The following NAALADL2 variants were observed in gnomAD, a reference collection of about 807,000 sequenced individuals.
NAALADL2 encodes the protein N-acetylated alpha-linked acidic dipeptidase like 2, also known as inactive N-acetylated-alpha-linked acidic dipeptidase-like protein 2.
Under a neutral mutation model 87.2 loss-of-function variants are expected in NAALADL2, and 76 were observed. That is an observed-to-expected ratio of 0.87 (90% CI 0.72 to 1.05). NAALADL2 has a LOEUF of 1.05. Among genes scored for constraint, NAALADL2 ranks in the 50% least tolerant of loss-of-function variants. The pLI, the probability that NAALADL2 is intolerant of heterozygous loss-of-function variation, is 0.00. For synonymous variants in NAALADL2, 354 were observed against 331.0 expected (o/e 1.07, Z -0.75); for missense variants, 1,089 against 945.8 (o/e 1.15, Z -1.99).
chr3:175,471,768 A>C lies in NAALADL2; in HGVS notation c.1653+10A>C. ...GCAACTGGTAGTAGAGGTAAGACAA[A>C]CCACTATTGTATCAAATGATTATGC... On this transcript the variant is annotated intron_variant, in intron 9 of 13. Coordinates refer to ENST00000454872, the MANE Select transcript of NAALADL2 (RefSeq NM_207015.3). 6.3e-7 allele frequency: 1 copy of C among 1,591,738 alleles called. No homozygotes were observed. Among genetic ancestry groups the C allele is most frequent in the Non-Finnish European group, 8.5e-7 (1 of 1,172,144 alleles).
intron 5 of NAALADL2, among the ~76,000 whole-genome samples, chr3:175,359,598 A>C (rs1303490623): frequency 6.6e-6 from 1 of 152,110 alleles, no homozygotes. Flanking sequence ...ATGTGCCTTT[A>C]ATTTAATAGC....
chr3:175,061,188 C>T (rs1713407348), intron 1 of NAALADL2, among the ~76,000 whole-genome samples: 2 of 152,100 alleles, frequency 1.3e-5, no homozygotes, highest in African/African-American at 4.8e-5. Context: ...GGGCAACAAC[C>T]TCATTAAAAT....
intron 2 of NAALADL2, among the ~76,000 whole-genome samples, chr3:175,197,437 A>G (rs559536392): frequency 6.6e-6 from 1 of 152,092 alleles, no homozygotes; most frequent in African/African-American, 2.4e-5. Context: ...TTAGTCTGCG[A>G]AGTTTTTCAG....
At chr3:175,527,265 T>A (rs1280563909) in intron 9 of NAALADL2, among the ~76,000 whole-genome samples, 1 of 152,176 alleles carries the variant, frequency 6.6e-6, no homozygotes, top group East Asian at 1.9e-4. Flanking sequence ...CATATTTACC[T>A]GCCGTCATAG....
chr3:175,057,161 G>T lies in NAALADL2; in HGVS notation c.44-39629G>T, dbSNP rs75646507. On this transcript the variant is annotated intron_variant, in intron 1 of 13. Transcript: ENST00000454872. ...TCAATAATAACTGAATTAAGAGGGAGCTCTCATAGTCTAGATTCTATCTAT... is the reference window on the plus strand; with the variant it reads ...TCAATAATAACTGAATTAAGAGGGATCTCTCATAGTCTAGATTCTATCTAT... 5.3e-3 allele frequency among the ~76,000 whole-genome samples: 806 copies of T among 152,262 alleles called. 10 individuals are homozygous for T. Among genetic ancestry groups the T allele is most frequent in the African/African-American group, 0.019 (784 of 41,554 alleles).
intron 12 of NAALADL2, among the ~76,000 whole-genome samples, chr3:175,739,019 A>G (rs62286106): frequency 0.085 from 13,004 of 152,204 alleles, 561 homozygotes; most frequent in Middle Eastern, 0.1. Flanking sequence ...TTGGTATTCC[A>G]TATAAAACTT....
chr3:175,299,898 A>G (rs373754051), intron 4 of NAALADL2, among the ~76,000 whole-genome samples: 1 of 152,182 alleles, frequency 6.6e-6, no homozygotes. Flanking sequence ...GCTTTTGCCC[A>G]TTCATTATGA....
chr3:175,318,943 G>A (rs538783749), intron 4 of NAALADL2, among the ~76,000 whole-genome samples: 1 of 151,546 alleles, frequency 6.6e-6, no homozygotes, highest in South Asian at 2.1e-4. Context: ...ATTCATCCAT[G>A]TTTCCCTTTT....
At chr3:175,399,116 G>T (rs1327415734) in intron 5 of NAALADL2, among the ~76,000 whole-genome samples, 1 of 151,852 alleles carries the variant, frequency 6.6e-6, no homozygotes, top group Non-Finnish European at 1.5e-5. Flanking sequence ...AAGTTAAAAA[G>T]AAAAAGATCA....
chr3:175,199,121 T>G (rs1688808010), intron 2 of NAALADL2, among the ~76,000 whole-genome samples: 1 of 152,186 alleles, frequency 6.6e-6, no homozygotes, highest in Non-Finnish European at 1.5e-5. Flanking sequence ...ATGTGTGTTT[T>G]TATGTCTGGA....
chr3:175,378,425 T>C (rs1767412535), intron 5 of NAALADL2, among the ~76,000 whole-genome samples: 1 of 152,254 alleles, frequency 6.6e-6, no homozygotes, highest in Non-Finnish European at 1.5e-5. Context: ...CATTATGTTG[T>C]GCTTTGTATT....
chr3:175,655,523 G>A (rs1367055455), intron 11 of NAALADL2: 2 of 324,782 alleles, frequency 6.2e-6, no homozygotes, highest in Non-Finnish European at 1.2e-5. Context: ...TGTGTGGTAT[G>A]TACTCTATGA....
chr3:175,765,399 A>G (rs1315670801), intron 13 of NAALADL2, among the ~76,000 whole-genome samples: 1 of 152,108 alleles, frequency 6.6e-6, no homozygotes, highest in African/African-American at 2.4e-5. Context: ...CCAAAATTCA[A>G]GCCTCATTTT....
At chr3:174,468,630 C>G (rs964355281) in intron 1 of NAALADL2, among the ~76,000 whole-genome samples, 1 of 151,908 alleles carries the variant, frequency 6.6e-6, no homozygotes, top group East Asian at 1.9e-4. Context: ...ATCTGCCCCT[C>G]TTGGCCTCCC....
chr3:175,458,446 C>T (rs891533649), intron 6 of NAALADL2, among the ~76,000 whole-genome samples: 2 of 146,058 alleles, frequency 1.4e-5, no homozygotes, highest in African/African-American at 5.0e-5. Flanking sequence ...GATATATATA[C>T]AATCAACAAC....
At chr3:174,872,984 C>G (rs931848614) in intron 1 of NAALADL2, among the ~76,000 whole-genome samples, 1 of 152,240 alleles carries the variant, frequency 6.6e-6, no homozygotes, top group Non-Finnish European at 1.5e-5. Flanking sequence ...TCCCCAACCT[C>G]CTCACAGTGA....
intron 10 of NAALADL2, 61 bp downstream of exon 10, chr3:175,576,248 A>G: frequency 6.9e-7 from 1 of 1,453,134 alleles, no homozygotes; most frequent in Non-Finnish European, 9.4e-7. Flanking sequence ...GCAGAATTTG[A>G]TTTTATCCTG....
intron 1 of NAALADL2, among the ~76,000 whole-genome samples, chr3:174,482,849 C>T (rs765263858): frequency 2.7e-4 from 41 of 152,028 alleles, no homozygotes; most frequent in Non-Finnish European, 4.4e-5. Flanking sequence ...TTCATGCTCG[C>T]CTTCAGATTA....
At chr3:175,727,243 T>G in intron 11 of NAALADL2, among the ~76,000 whole-genome samples, 1 of 152,228 alleles carries the variant, frequency 6.6e-6, no homozygotes, top group East Asian at 1.9e-4. Flanking sequence ...GTTGGAGGCA[T>G]GGTGGTGACT....
Sources: allele counts gnomAD v4.1 joint callset (sites outside exome capture counted in the v4.1 genomes callset), GRCh38; gene constraint gnomAD v4.1.1; transcripts MANE v1.5; gene names NCBI Gene and HGNC (gene_info 2026-07-23, HGNC 2026-07-21).